PLXDC2: variants seen among roughly 807,000 people sequenced by gnomAD.
PLXDC2 encodes plexin domain-containing protein 2.
PLXDC2 carries 40 observed loss-of-function variants against 68.9 expected under a neutral mutation model. The observed-to-expected ratio is 0.58, with a 90% confidence interval of 0.45 to 0.76. PLXDC2 has a LOEUF of 0.76. Among genes scored for constraint, PLXDC2 ranks in the 30% least tolerant of loss-of-function variants. PLXDC2 has a pLI of 0.00. For synonymous variants in PLXDC2, 243 were observed against 234.2 expected, an observed-to-expected ratio of 1.04 and a Z score of -0.34; for missense variants, 644 against 661.9, an observed-to-expected ratio of 0.97 and a Z score of 0.30.
intron 1 of PLXDC2, among the ~76,000 whole-genome samples, chr10:19,880,754 C>G (rs977471047): frequency 1.3e-5 from 2 of 152,068 alleles, no homozygotes; most frequent in Non-Finnish European, 2.9e-5. Context: ...TCTTTTAGGG[C>G]CTCTACCTTA....
At chr10:20,013,132 T>C (rs1450981491) in intron 2 of PLXDC2, among the ~76,000 whole-genome samples, 1 of 152,220 alleles carries the variant, frequency 6.6e-6, no homozygotes, top group African/African-American at 2.4e-5. Flanking sequence ...ATTCACCTTT[T>C]AGATAATATC....
chr10:20,080,819 C>T (rs1029539986), intron 4 of PLXDC2, among the ~76,000 whole-genome samples: 1 of 152,240 alleles, frequency 6.6e-6, no homozygotes, highest in Non-Finnish European at 1.5e-5. Context: ...TGTAGAGACA[C>T]AGGCACATCC....
chr10:19,965,725 G>T (rs1396715589), intron 1 of PLXDC2, among the ~76,000 whole-genome samples: 3 of 147,934 alleles, frequency 2.0e-5, no homozygotes, highest in Non-Finnish European at 3.0e-5. Context: ...TTTTGGGGGG[G>T]GGGGTTACAT....
chr10:19,920,755 G>A (rs1030138116), intron 1 of PLXDC2, among the ~76,000 whole-genome samples: 3 of 151,810 alleles, frequency 2.0e-5, no homozygotes, highest in East Asian at 1.9e-4. Flanking sequence ...ACAGGGTTTC[G>A]CCTTGTTGCC....
chr10:20,244,791 A>C (rs1835566445), intron 12 of PLXDC2, among the ~76,000 whole-genome samples: 1 of 152,218 alleles, frequency 6.6e-6, no homozygotes, highest in Non-Finnish European at 1.5e-5. Flanking sequence ...TTGAGAATAA[A>C]AGCTATTCAT....
intron 9 of PLXDC2, among the ~76,000 whole-genome samples, chr10:20,206,361 G>C (rs1482130416): frequency 6.6e-6 from 1 of 152,006 alleles, no homozygotes; most frequent in Admixed American, 6.6e-5. Flanking sequence ...ACTTGGTGTT[G>C]GGGGGTCTCT....
At chr10:20,009,954 A>C (rs897017693) in intron 2 of PLXDC2, among the ~76,000 whole-genome samples, 1 of 151,978 alleles carries the variant, frequency 6.6e-6, no homozygotes, top group Non-Finnish European at 1.5e-5. Context: ...TTAAATTTAG[A>C]TTAGAATTGT....
At chr10:20,251,101 A>G (rs1453855457) in intron 13 of PLXDC2, among the ~76,000 whole-genome samples, 3 of 152,180 alleles carry the variant, frequency 2.0e-5, no homozygotes, top group African/African-American at 7.2e-5. Flanking sequence ...CAAGAGTTCC[A>G]TTCTCCTAAA....
At chr10:20,234,271 G>T (rs1835403085) in intron 12 of PLXDC2, among the ~76,000 whole-genome samples, 1 of 152,122 alleles carries the variant, frequency 6.6e-6, no homozygotes, top group Non-Finnish European at 1.5e-5. Flanking sequence ...TTGCAAAGAT[G>T]GTTTGGTGGA....
chr10:20,190,598 AATATAT>A (rs67612054), intron 9 of PLXDC2, among the ~76,000 whole-genome samples: 14 of 148,432 alleles, frequency 9.4e-5, no homozygotes, highest in Non-Finnish European at 1.0e-4. Context: ...AAGTGTAATA[AATATAT>A]ATATATATAT....
At chr10:20,072,943 C>T (rs1836362113) in intron 4 of PLXDC2, among the ~76,000 whole-genome samples, 1 of 152,134 alleles carries the variant, frequency 6.6e-6, no homozygotes, top group Non-Finnish European at 1.5e-5. Flanking sequence ...TCCTATTTGA[C>T]AGATGCTTGT....
intron 1 of PLXDC2, among the ~76,000 whole-genome samples, chr10:19,956,265 C>T (rs1451158745): frequency 6.6e-6 from 1 of 152,130 alleles, no homozygotes; most frequent in Non-Finnish European, 1.5e-5. Context: ...GGCAACTACT[C>T]TCAGGTGCAG....
intron 1 of PLXDC2, among the ~76,000 whole-genome samples, chr10:19,939,933 T>C (rs1338517231): frequency 6.6e-6 from 1 of 151,894 alleles, no homozygotes; most frequent in Non-Finnish European, 1.5e-5. Flanking sequence ...TTGTTTATAT[T>C]TGGAGTTGAG....
chr10:20,243,712 A>T (rs1009768380), intron 12 of PLXDC2, among the ~76,000 whole-genome samples: 4 of 152,086 alleles, frequency 2.6e-5, no homozygotes, highest in African/African-American at 4.8e-5. Flanking sequence ...TAGACAAAAA[A>T]AGCTTATAAC....
intron 1 of PLXDC2, among the ~76,000 whole-genome samples, chr10:19,977,693 G>A (rs552760187): frequency 2.0e-5 from 3 of 152,214 alleles, no homozygotes; most frequent in South Asian, 2.1e-4. Context: ...GACTCTTTCC[G>A]GGGTTTGCAG....
intron 10 of PLXDC2, among the ~76,000 whole-genome samples, chr10:20,213,951 A>G (rs892241089): frequency 5.3e-5 from 8 of 151,640 alleles, no homozygotes; most frequent in African/African-American, 1.9e-4. Flanking sequence ...TTTCCTTATT[A>G]CTCTGTGCTG....
At chr10:20,076,383 CA>C (rs1206490228) in intron 4 of PLXDC2, among the ~76,000 whole-genome samples, 2 of 152,176 alleles carry the variant, frequency 1.3e-5, no homozygotes, top group African/African-American at 4.8e-5. Context: ...GTATGATCTT[CA>C]GCAAATGACT....
intron 12 of PLXDC2, among the ~76,000 whole-genome samples, chr10:20,231,260 T>A (rs115607491): frequency 0.019 from 2,841 of 149,810 alleles, 94 homozygotes; most frequent in African/African-American, 0.064. Context: ...TATATGAATA[T>A]TGACAAATAT....
In PLXDC2 at chr10:20,219,070, C is replaced by A; in HGVS notation, c.1280C>A (p.Thr427Asn). 1 of 1,607,266 alleles carries A rather than the reference C, an allele frequency of 6.2e-7. No individual in the cohort carries two copies. Among genetic ancestry groups the A allele is most frequent in the Non-Finnish European group, 8.5e-7 (1 of 1,176,924 alleles). Residue 427 changes from threonine to asparagine, a missense_variant, in exon 12 of 14, where the codon ACC becomes AAC. By Grantham distance (65) the Thr-to-Asn change is moderately conservative. Coordinates refer to ENST00000377252, the MANE Select transcript of PLXDC2 (RefSeq NM_032812.9). ...FPTSLPTEDD[T>N]KIALHLKDNG... ...CTTTGAATTTCTCTTCCAGATGATACCAAGATAGCACTACATCTAAAAGAT... is the reference window on the plus strand; with the variant it reads ...CTTTGAATTTCTCTTCCAGATGATAACAAGATAGCACTACATCTAAAAGAT...
Sources: allele counts gnomAD v4.1 joint callset (sites outside exome capture counted in the v4.1 genomes callset), GRCh38; gene constraint gnomAD v4.1.1; transcripts MANE v1.5; gene names NCBI Gene and HGNC (gene_info 2026-07-23, HGNC 2026-07-21).